The following PTPRD variants were observed in gnomAD, a reference collection of about 807,000 sequenced individuals.
PTPRD encodes the protein receptor-type tyrosine-protein phosphatase delta.
PTPRD carries 34 observed loss-of-function variants against 214.5 expected under a neutral mutation model. The ratio of observed to expected loss-of-function variants is 0.16; its 90% CI spans 0.12 to 0.21. The LOEUF is 0.21. PTPRD is among the 10% of genes least tolerant of loss of function. The pLI, the probability that PTPRD is intolerant of heterozygous loss-of-function variation, is 1.00. For synonymous variants in PTPRD, 1,128 were observed against 845.7 expected (o/e 1.33, Z -5.79); for missense variants, 2,545 against 2,398.7 (o/e 1.06, Z -1.27).
At chr9:9,487,862 T>A (rs1024732194) in intron 8 of PTPRD, among the ~76,000 whole-genome samples, 2 of 152,150 alleles carry the variant, frequency 1.3e-5, no homozygotes, top group African/African-American at 4.8e-5. Flanking sequence ...ATTCCCAGTA[T>A]TTGATACACA....
intron 11 of PTPRD, among the ~76,000 whole-genome samples, chr9:8,896,955 A>G (rs1039427344): frequency 6.6e-6 from 1 of 152,220 alleles, no homozygotes; most frequent in Non-Finnish European, 1.5e-5. Flanking sequence ...CTAATTTTAT[A>G]TAGGTAACTG....
At chr9:9,102,713 C>T (rs965902715) in intron 10 of PTPRD, among the ~76,000 whole-genome samples, 5 of 152,204 alleles carry the variant, frequency 3.3e-5, no homozygotes, top group Non-Finnish European at 7.3e-5. Context: ...TGATCATTCA[C>T]GGAGGTTACT....
At chr9:8,397,978 G>C (rs1487834799) in intron 36 of PTPRD, among the ~76,000 whole-genome samples, 1 of 151,988 alleles carries the variant, frequency 6.6e-6, no homozygotes, top group Non-Finnish European at 1.5e-5. Context: ...AATCTGTAAT[G>C]CTCTTATGGG....
Position 8,628,731 on chromosome 9 carries a change from T to C in PTPRD, c.352+4586A>G, listed in dbSNP as rs56349253. Among the ~76,000 whole-genome samples, 406 of 151,950 alleles carry C rather than the reference T, an allele frequency of 2.7e-3. 1 individual carries two copies. Among genetic ancestry groups the C allele is most frequent in the Admixed American group, 4.0e-3 (61 of 15,214 alleles). On this transcript the variant is annotated intron_variant, in intron 14 of 45. Transcript: ENST00000381196. ...CAATTTCCCAAGACCTAGACTTGGGTACTTCACGTATTATCTTTTGTCCTA... is the reference window on the plus strand; with the variant it reads ...CAATTTCCCAAGACCTAGACTTGGGCACTTCACGTATTATCTTTTGTCCTA...
At chr9:8,877,215 G>A (rs1211106108) in intron 11 of PTPRD, among the ~76,000 whole-genome samples, 4 of 152,118 alleles carry the variant, frequency 2.6e-5, no homozygotes, top group South Asian at 2.1e-4. Context: ...GTGAACCACC[G>A]CGCCCAGCCT....
intron 3 of PTPRD, among the ~76,000 whole-genome samples, chr9:10,174,830 CTTAATG>C (rs2099236905): frequency 6.6e-6 from 1 of 152,024 alleles, no homozygotes. Flanking sequence ...AAACTCTATG[CTTAATG>C]TTAAAGTTAG....
chr9:9,047,640 A>G (rs970733094), intron 10 of PTPRD, among the ~76,000 whole-genome samples: 11 of 152,120 alleles, frequency 7.2e-5, no homozygotes, highest in African/African-American at 1.2e-4. Context: ...AAGAACATAT[A>G]CTGGGGAAAA....
At chr9:9,994,272 T>A (rs1303453034) in intron 4 of PTPRD, among the ~76,000 whole-genome samples, 1 of 152,214 alleles carries the variant, frequency 6.6e-6, no homozygotes, top group East Asian at 1.9e-4. Flanking sequence ...TTTTTCCTCA[T>A]TTGTTCCATC....
At chr9:8,815,283 C>G (rs1028300275) in intron 11 of PTPRD, among the ~76,000 whole-genome samples, 1 of 152,080 alleles carries the variant, frequency 6.6e-6, no homozygotes, top group Non-Finnish European at 1.5e-5. Flanking sequence ...ATTTAACTGG[C>G]TTACCTTTAA....
At chr9:8,757,032 C>G (rs926274604) in intron 11 of PTPRD, among the ~76,000 whole-genome samples, 1 of 152,100 alleles carries the variant, frequency 6.6e-6, no homozygotes, top group Admixed American at 6.6e-5. Context: ...ATCCCAGCTA[C>G]TCGGGAGGCT....
At chr9:10,025,980 G>C (rs2096915683) in intron 4 of PTPRD, among the ~76,000 whole-genome samples, 1 of 152,184 alleles carries the variant, frequency 6.6e-6, no homozygotes, top group Non-Finnish European at 1.5e-5. Flanking sequence ...GATTAACTCA[G>C]GATACTTCAA....
chr9:10,356,959 G>C lies in PTPRD; in HGVS notation c.-599-15942C>G, dbSNP rs550028074. ...GCCTCCCAAAGTGCTGGGATTACAAGTGTGAGCCACCACGCCCGGCCCATA... is the reference window on the plus strand; with the variant it reads ...GCCTCCCAAAGTGCTGGGATTACAACTGTGAGCCACCACGCCCGGCCCATA... On this transcript the variant is annotated intron_variant, in intron 2 of 45. Transcript: ENST00000381196. 5.9e-5 allele frequency among the ~76,000 whole-genome samples: 9 copies of C among 152,054 alleles called. No homozygotes were observed. The East Asian group carries it at 1.5e-3, about 26-fold the overall frequency.
At chr9:9,681,283 T>C (rs1225106305) in intron 7 of PTPRD, among the ~76,000 whole-genome samples, 3 of 151,726 alleles carry the variant, frequency 2.0e-5, no homozygotes, top group Non-Finnish European at 4.4e-5. Flanking sequence ...GTGGACAGAT[T>C]GTTTGTCTCA....
chr9:8,399,748 A>T (rs2092038630), intron 36 of PTPRD, among the ~76,000 whole-genome samples: 1 of 152,174 alleles, frequency 6.6e-6, no homozygotes, highest in African/African-American at 2.4e-5. Flanking sequence ...GTTTTGAATT[A>T]GGTTTGATGT....
At chr9:8,566,377 G>C (rs1389990340) in intron 14 of PTPRD, among the ~76,000 whole-genome samples, 1 of 152,080 alleles carries the variant, frequency 6.6e-6, no homozygotes, top group African/African-American at 2.4e-5. Context: ...CAGCAGACTA[G>C]GATACTTGGG....
intron 11 of PTPRD, among the ~76,000 whole-genome samples, chr9:8,748,388 G>T (rs902088920): frequency 2.0e-4 from 31 of 151,966 alleles, no homozygotes; most frequent in African/African-American, 6.0e-4. Flanking sequence ...TTGCCTGAGA[G>T]CACAGCAGGA....
At chr9:8,716,634 G>C (rs976650819) in intron 12 of PTPRD, among the ~76,000 whole-genome samples, 2 of 127,834 alleles carry the variant, frequency 1.6e-5, no homozygotes, top group Non-Finnish European at 3.0e-5. Context: ...TAAAACCTAG[G>C]GGATGGTTCA....
At chr9:8,432,626 T>C (rs2095129261) in intron 35 of PTPRD, among the ~76,000 whole-genome samples, 1 of 152,264 alleles carries the variant, frequency 6.6e-6, no homozygotes, top group Non-Finnish European at 1.5e-5. Flanking sequence ...TTCCTCCATT[T>C]TCTTTGCTGA....
At chr9:9,178,346 C>G (rs1470371652) in intron 10 of PTPRD, among the ~76,000 whole-genome samples, 2 of 151,878 alleles carry the variant, frequency 1.3e-5, no homozygotes, top group African/African-American at 4.8e-5. Flanking sequence ...TTTTCTCTCT[C>G]TTTTTCCTCA....
Sources: gnomAD v4.1 joint callset for allele counts (sites outside exome capture counted in the v4.1 genomes callset) on GRCh38, gnomAD v4.1.1 for gene constraint, MANE v1.5 for transcripts, NCBI Gene and HGNC (gene_info 2026-07-23, HGNC 2026-07-21) for gene names.